CHRM3: variants seen among roughly 807,000 people sequenced by gnomAD.
CHRM3 encodes the protein muscarinic acetylcholine receptor M3.
A neutral mutation model predicts 41.8 loss-of-function variants in CHRM3; 11 were observed. The observed-to-expected ratio is 0.26, with a 90% confidence interval of 0.17 to 0.44. The LOEUF is 0.44. Among genes scored for constraint, CHRM3 ranks in the 20% least tolerant of loss-of-function variants. The probability of loss-of-function intolerance (pLI) is 1.00; values close to 1 mark genes in which losing one functional copy is unlikely to be tolerated. For missense variants in CHRM3, 571 were observed against 745.4 expected (o/e 0.77, Z 2.72); for synonymous variants, 297 against 301.4 (o/e 0.99, Z 0.15).
chr1:239,848,948 C>T (rs1674489535), intron 6 of CHRM3, among the ~76,000 whole-genome samples: 1 of 152,110 alleles, frequency 6.6e-6, no homozygotes, highest in African/African-American at 2.4e-5. Context: ...ACAAATAATT[C>T]CAGCAAACTA....
chr1:239,675,818 A>G (rs1246071087), intron 4 of CHRM3, among the ~76,000 whole-genome samples: 1 of 152,186 alleles, frequency 6.6e-6, no homozygotes, highest in Admixed American at 6.5e-5. Context: ...CTGTGTAGGA[A>G]ATATTCTAAG....
chr1:239,528,825 G>A (rs1203712442), intron 2 of CHRM3, among the ~76,000 whole-genome samples: 2 of 150,946 alleles, frequency 1.3e-5, no homozygotes, highest in Admixed American at 6.6e-5. Flanking sequence ...CCTGGGAGGC[G>A]GAAGTTGCAG....
rs552286749 is a variant in CHRM3, at chr1:239,554,854, C to T, written c.-313+9105C>T. On this transcript the variant is annotated intron_variant, in intron 3 of 6. Transcript: ENST00000676153. ...AAGCAATTCTCCTGCCTCAGCCTCC[C>T]GAGTAGTTGGGACTACAGGCACGTG... 1.1e-3 allele frequency among the ~76,000 whole-genome samples: 173 copies of T among 151,544 alleles called. 1 individual carries two copies. Among genetic ancestry groups the T allele is most frequent in the South Asian group, 3.3e-3 (16 of 4,786 alleles).
At chr1:239,850,383 C>A (rs1445920097) in intron 6 of CHRM3, among the ~76,000 whole-genome samples, 1 of 152,084 alleles carries the variant, frequency 6.6e-6, no homozygotes, top group Non-Finnish European at 1.5e-5. Flanking sequence ...TCAGGGATAA[C>A]AGAGGTGTCT....
At chr1:239,775,044 A>G (rs746007164) in intron 5 of CHRM3, among the ~76,000 whole-genome samples, 1 of 152,222 alleles carries the variant, frequency 6.6e-6, no homozygotes, top group Non-Finnish European at 1.5e-5. Context: ...CAGTCTTTCT[A>G]GAGACTCTAC....
At chr1:239,730,364 T>C (rs184841957) in intron 5 of CHRM3, 1 of 151,948 alleles carries the variant, frequency 6.6e-6, no homozygotes, top group African/African-American at 2.4e-5. Context: ...TCCCCACAGT[T>C]TAATAGAGGA....
At chr1:239,831,597 T>C (rs562513528) in intron 6 of CHRM3, among the ~76,000 whole-genome samples, 10 of 152,338 alleles carry the variant, frequency 6.6e-5, no homozygotes, top group African/African-American at 2.4e-4. Context: ...TCAAACAGAC[T>C]GATGGAACTG....
intron 4 of CHRM3, among the ~76,000 whole-genome samples, chr1:239,649,821 T>C (rs763126319): frequency 6.6e-6 from 1 of 152,134 alleles, no homozygotes; most frequent in African/African-American, 2.4e-5. Context: ...GGTGAAGAGA[T>C]AAGGATAATC....
At chr1:239,653,306 TGAG>T (rs1489917785) in intron 4 of CHRM3, among the ~76,000 whole-genome samples, 1 of 152,080 alleles carries the variant, frequency 6.6e-6, no homozygotes, top group Non-Finnish European at 1.5e-5. Flanking sequence ...TGGGAGATGA[TGAG>T]GAGTGAGGAG....
intron 5 of CHRM3, among the ~76,000 whole-genome samples, chr1:239,820,942 T>C (rs1671992792): frequency 1.3e-5 from 2 of 152,170 alleles, no homozygotes. Context: ...GCTCACACAA[T>C]ATGGGCATTG....
chr1:239,853,452 C>G (rs1674860543), intron 6 of CHRM3, among the ~76,000 whole-genome samples: 2 of 151,636 alleles, frequency 1.3e-5, no homozygotes, highest in South Asian at 2.1e-4. Context: ...CAATTTCTAG[C>G]CAAGCATAGT....
chr1:239,885,865 T>C (rs1189639523), intron 6 of CHRM3, among the ~76,000 whole-genome samples: 1 of 152,190 alleles, frequency 6.6e-6, no homozygotes, highest in African/African-American at 2.4e-5. Flanking sequence ...AAAATATTTA[T>C]CCTAGGTCAT....
At chr1:239,556,804 G>A (rs1228354203) in intron 3 of CHRM3, among the ~76,000 whole-genome samples, 1 of 152,046 alleles carries the variant, frequency 6.6e-6, no homozygotes, top group African/African-American at 2.4e-5. Context: ...AGTTCCAATT[G>A]TTAGTTCATT....
At chr1:239,781,210 G>A (rs1468204756) in intron 5 of CHRM3, among the ~76,000 whole-genome samples, 1 of 152,078 alleles carries the variant, frequency 6.6e-6, no homozygotes, top group Non-Finnish European at 1.5e-5. Flanking sequence ...CTGACATCTG[G>A]ACAATATGGA....
intron 3 of CHRM3, among the ~76,000 whole-genome samples, chr1:239,609,790 T>C (rs1666781179): frequency 6.6e-6 from 1 of 152,204 alleles, no homozygotes; most frequent in Non-Finnish European, 1.5e-5. Context: ...ATGTTCTTTA[T>C]TGAAGTGGCT....
intron 4 of CHRM3, among the ~76,000 whole-genome samples, chr1:239,647,052 T>A (rs1345997101): frequency 1.3e-5 from 2 of 152,226 alleles, no homozygotes; most frequent in East Asian, 3.8e-4. Context: ...TTCCTGTGTC[T>A]TCACACTTTT....
chr1:239,487,229 C>T (rs1292907188), intron 1 of CHRM3, among the ~76,000 whole-genome samples: 7 of 151,998 alleles, frequency 4.6e-5, no homozygotes, highest in Non-Finnish European at 8.8e-5. Context: ...GATTTTTGTG[C>T]ATGATAGGTA....
chr1:239,870,971 G>A (rs756569024), intron 6 of CHRM3, among the ~76,000 whole-genome samples: 89 of 152,106 alleles, frequency 5.9e-4, no homozygotes, highest in Admixed American at 1.7e-3. Flanking sequence ...TTCTCCTGGC[G>A]TCACCCAGAC....
chr1:239,834,956 C>A (rs565823165), intron 6 of CHRM3, among the ~76,000 whole-genome samples: 1 of 151,948 alleles, frequency 6.6e-6, no homozygotes, highest in East Asian at 1.9e-4. Flanking sequence ...CTAAAGTCAG[C>A]GGTACAGGAA....
Sources: gnomAD v4.1 joint callset for allele counts (sites outside exome capture counted in the v4.1 genomes callset) on GRCh38, gnomAD v4.1.1 for gene constraint, MANE v1.5 for transcripts, NCBI Gene and HGNC (gene_info 2026-07-23, HGNC 2026-07-21) for gene names.